Variants in DHX30 observed in about 807,000 individuals in gnomAD.
The protein encoded by DHX30 is DExH-box helicase 30.
In DHX30, 4 loss-of-function variants were observed where a neutral mutation model predicts 116.9. That is an observed-to-expected ratio of 0.03 (90% confidence interval 0.02 to 0.08). The LOEUF is 0.08. Ranked by LOEUF, DHX30 falls within the 10% of genes least tolerant of loss-of-function variation. The pLI is 1.00. For missense variants in DHX30, 871 were observed against 1,595.1 expected (o/e 0.55, Z 7.73); for synonymous variants, 697 against 651.7 (o/e 1.07, Z -1.06).
chr3:47,816,578 G>A (rs916961319), intron 3 of DHX30: 6 of 972,378 alleles, frequency 6.2e-6, no homozygotes, highest in Non-Finnish European at 7.3e-6. Flanking sequence ...GGATGGTCTC[G>A]ATCTCTTGAC....
chr3:47,825,074 C>T (rs2036486048), intron 4 of DHX30: 3 of 667,510 alleles, frequency 4.5e-6, no homozygotes, highest in Non-Finnish European at 8.1e-6. Flanking sequence ...GCGCTGGCCG[C>T]CGGCATCTCT....
At chr3:47,816,273 T>C (rs1183633366) in intron 3 of DHX30, 13 of 985,088 alleles carry the variant, frequency 1.3e-5, no homozygotes, top group East Asian at 2.3e-4. Context: ...AAAACAATTA[T>C]TGGTGCTTGG....
chr3:47,820,899 G>C (rs955326683), intron 4 of DHX30, among the ~76,000 whole-genome samples: 8 of 148,580 alleles, frequency 5.4e-5, no homozygotes, highest in African/African-American at 2.0e-4. Flanking sequence ...CATGCGTAAG[G>C]CTCTCTCTTT....
rs887102603 is a variant in DHX30, at chr3:47,847,056, C to T, written c.1929+55C>T. On this transcript the variant is annotated intron_variant, in intron 11 of 21. Coordinates refer to ENST00000445061, the MANE Select transcript of DHX30 (RefSeq NM_138615.3). The surrounding 1 kb of genome is among the most constrained non-coding windows in gnomAD (Gnocchi z 5.5). Reference sequence around the variant, plus strand: ...TCCTGGCCTTTCCTCCGTGGATGCCCCTCCTCCCTGGCCCTGGGGCTTGGT... The same window carrying T: ...TCCTGGCCTTTCCTCCGTGGATGCCTCTCCTCCCTGGCCCTGGGGCTTGGT... 97 of 1,569,180 alleles carry T rather than the reference C, an allele frequency of 6.2e-5. No homozygotes were observed. The Middle Eastern group carries it at 1.0e-3, about 17-fold the overall frequency.
intron 6 of DHX30, 38 bp downstream of exon 6, chr3:47,829,172 C>T (rs2036690235): frequency 2.6e-6 from 3 of 1,144,566 alleles, no homozygotes; most frequent in South Asian, 2.8e-5. Flanking sequence ...AGACCTTCCT[C>T]CTGGAAACTC....
Position 47,848,359 on chromosome 3 carries a change from A to G in DHX30, c.2466A>G (p.Gln822=). ...LRTPLENLVL[Q]AKIHMPEKTA... is the part of the protein sequence containing the mutation. ...CACCTCTTGAGAACCTGGTGCTGCA[A>G]GCGAAAATCCACATGCCTGAGAAGA... is the stretch of plus-strand genomic sequence containing the variant. The change falls in exon 15 of 22, where the codon CAA becomes CAG. Residue 822 remains glutamine (Q), a synonymous_variant. Transcript: ENST00000445061. The surrounding 1 kb of genome is among the most constrained non-coding windows in gnomAD (Gnocchi z 9.4). 1 of 1,614,090 alleles carries G rather than the reference A, an allele frequency of 6.2e-7. No individual in the cohort carries two copies. The highest frequency in any genetic ancestry group is 8.5e-7 in the Non-Finnish European group (1 of 1,180,018).
At chr3:47,818,345 T>G (rs1006569107) in intron 4 of DHX30, among the ~76,000 whole-genome samples, 3 of 152,168 alleles carry the variant, frequency 2.0e-5, no homozygotes, top group African/African-American at 7.2e-5. Context: ...TTGGGCCTCC[T>G]TGTGTGGCCT....
At position 47,847,103 on chromosome 3, in the gene DHX30, C is replaced by G; in HGVS notation, c.1929+102C>G. 6 of 1,504,576 alleles carry G rather than the reference C, an allele frequency of 4.0e-6. No individual in the cohort carries two copies. Among genetic ancestry groups the G allele is most frequent in the Non-Finnish European group, 5.4e-6 (6 of 1,101,964 alleles). 93.2% of individuals were successfully genotyped at this position (1,504,576 alleles called of 1,614,324 possible). On this transcript the variant is annotated intron_variant, in intron 11 of 21. Transcript: ENST00000445061. The surrounding 1 kb of genome is among the most constrained non-coding windows in gnomAD (Gnocchi z 5.5). ...TGGTGCCTGGGGCAAGTTACCCTCC[C>G]CAGTCCTCGGTTTCCTTGATAGAAA...
intron 21 of DHX30, 37 bp downstream of exon 21, chr3:47,849,806 C>T (rs1326928560): frequency 1.4e-5 from 23 of 1,607,788 alleles, no homozygotes; most frequent in Non-Finnish European, 1.8e-5. Context: ...CCCCGCTCTG[C>T]AGCTGCTCCT....
chr3:47,850,076 G>T lies in DHX30; in HGVS notation c.3541G>T (p.Gly1181Ter). ...LLALLAELLRGPCGSFDVRKT... is the reference protein window; with the variant it reads ...LLALLAELLR ...TGCGCTACTGGCAGAGCTGCTGCGA[G>T]GACCCTGTGGCAGCTTTGATGTGCG... The change falls in exon 22 of 22, where the codon GGA becomes TGA. Residue 1181 changes from glycine (G) to a stop codon, truncating the protein, a stop_gained. Coordinates refer to ENST00000445061, the MANE Select transcript of DHX30 (RefSeq NM_138615.3). LOFTEE classifies it high-confidence loss of function. 6.3e-7 allele frequency: 1 copy of T among 1,596,994 alleles called. No homozygotes were observed.
chr3:47,836,091 T>A (rs1308394490), intron 6 of DHX30, among the ~76,000 whole-genome samples: 1 of 152,246 alleles, frequency 6.6e-6, no homozygotes, highest in Non-Finnish European at 1.5e-5. Context: ...GCTGACTGGC[T>A]GGCTGGATGT....
intron 4 of DHX30, among the ~76,000 whole-genome samples, chr3:47,824,425 C>A (rs766966858): frequency 6.6e-6 from 1 of 152,192 alleles, no homozygotes; most frequent in African/African-American, 2.4e-5. Context: ...CTGAAGAGGT[C>A]TTCCTTGGCC....
rs1227253371 is a variant in DHX30, at chr3:47,827,567, GC to G, written c.255+92del. 4.0e-6 allele frequency: 6 copies of G among 1,487,864 alleles called. No individual in the cohort carries two copies. The African/African-American group carries it at 8.5e-5, about 21-fold the overall frequency. 92.2% of individuals were successfully genotyped at this position (1,487,864 alleles called of 1,614,324 possible). Reference sequence around the variant, plus strand: ...TGTCTTAGGTTTCTTTGTCAAGGAGGCCATAGAATGGGTTTCCTGAATTAAA... The same window carrying G: ...TGTCTTAGGTTTCTTTGTCAAGGAGGCATAGAATGGGTTTCCTGAATTAAA... On this transcript the variant is annotated intron_variant, in intron 5 of 21. Transcript: ENST00000445061.
chr3:47,847,516 G>C lies in DHX30; in HGVS notation c.2090G>C (p.Ser697Thr). The change falls in exon 13 of 22, where the codon AGC becomes ACC. Residue 697 changes from serine to threonine, a missense_variant. Ser to Thr is a moderately conservative substitution (Grantham distance 58, BLOSUM62 1). Transcript: ENST00000445061. The surrounding 1 kb of genome is among the most constrained non-coding windows in gnomAD (Gnocchi z 5.5). The stretch of plus-strand genomic sequence containing the variant: ...CAGGAGGCCCTGGGCATGCACGAGA[G>C]CAAGTACCTCATCCTGCCAGGTGAG... ...RLQEALGMHE[S>T]KYLILPVHSN... The C allele has an allele frequency of 6.2e-7, 1 of 1,610,706 alleles. No individual in the cohort carries two copies. The highest frequency in any genetic ancestry group is 8.5e-7 in the Non-Finnish European group (1 of 1,178,380).
At chr3:47,819,174 C>T in intron 4 of DHX30, 3 of 1,350,566 alleles carry the variant, frequency 2.2e-6, no homozygotes, top group South Asian at 1.1e-5. Context: ...CCTACCGTTA[C>T]CAAAACAAGA....
intron 6 of DHX30, among the ~76,000 whole-genome samples, chr3:47,837,800 A>ACG (rs2037191766): frequency 6.6e-6 from 1 of 152,146 alleles, no homozygotes; most frequent in South Asian, 2.1e-4. Flanking sequence ...GAGAAGTTGC[A>ACG]CGGACAGCTC....
intron 1 of DHX30, 62 bp from the exon 2 acceptor site, chr3:47,805,264 T>G: frequency 2.5e-6 from 1 of 398,772 alleles, no homozygotes; most frequent in African/African-American, 2.1e-5. Context: ...TAAATGATGG[T>G]TGGAGCAACT....
intron 6 of DHX30, among the ~76,000 whole-genome samples, chr3:47,831,702 G>A (rs2036858393): frequency 1.3e-5 from 2 of 149,720 alleles, no homozygotes; most frequent in Admixed American, 6.7e-5. Context: ...ATAGAGATGG[G>A]GTCTTACTAT....
chr3:47,845,904 T>A, intron 10 of DHX30, 52 bp downstream of exon 10: 1 of 1,558,282 alleles, frequency 6.4e-7, no homozygotes, highest in Non-Finnish European at 8.7e-7. Flanking sequence ...TCTGCCTCCA[T>A]CTCTCCAGAC....
Sources: allele counts gnomAD v4.1 joint callset (sites outside exome capture counted in the v4.1 genomes callset), GRCh38; gene constraint gnomAD v4.1.1; non-coding constraint Gnocchi (gnomAD v3.1); transcripts MANE v1.5; gene names NCBI Gene and HGNC (gene_info 2026-07-23, HGNC 2026-07-21).